Variants in KCNQ1 observed in about 807,000 individuals in gnomAD.
KCNQ1 encodes the protein potassium voltage-gated channel subfamily Q member 1.
Under a neutral mutation model 72.4 loss-of-function variants are expected in KCNQ1, and 49 were observed. That is an observed-to-expected ratio of 0.68 (90% CI 0.54 to 0.86). The LOEUF is 0.86. Among genes scored for constraint, KCNQ1 ranks in the 40% least tolerant of loss-of-function variants. The pLI is 0.00. For missense variants in KCNQ1, 790 were observed against 945.1 expected, an observed-to-expected ratio of 0.84 and a Z score of 2.15; for synonymous variants, 450 against 412.6, an observed-to-expected ratio of 1.09 and a Z score of -1.10.
chr11:2,717,266 A>G (rs1282794914), intron 11 of KCNQ1, among the ~76,000 whole-genome samples: 2 of 152,084 alleles, frequency 1.3e-5, no homozygotes, highest in African/African-American at 4.8e-5. Flanking sequence ...GCTGTTGGGG[A>G]GCAGGAATCA....
rs567360216 is a variant in KCNQ1 at position 2,563,271 on chromosome 11, C to G, written c.478-7357C>G. 2.5e-4 allele frequency among the ~76,000 whole-genome samples: 38 copies of G among 152,336 alleles called. No individual in the cohort carries two copies. Among genetic ancestry groups the G allele is most frequent in the African/African-American group, 8.2e-4 (34 of 41,570 alleles). On this transcript the variant is annotated intron_variant, in intron 2 of 15. Transcript: ENST00000155840. This position sits in a 1 kb window ranked among gnomAD's most constrained non-coding sequence, Gnocchi z 7.4. ...TGGCCAGGTCGACCTTCAGCCTTCT[C>G]GGAGAACACCGGTTCCACGGCCGGT...
At chr11:2,791,785 T>C (rs1481294857) in intron 15 of KCNQ1, among the ~76,000 whole-genome samples, 2 of 151,582 alleles carry the variant, frequency 1.3e-5, no homozygotes, top group South Asian at 4.2e-4. Flanking sequence ...GCCCAGGTCC[T>C]CGCCGCGCCG....
At chr11:2,780,268 G>A (rs546550954) in intron 15 of KCNQ1, among the ~76,000 whole-genome samples, 4 of 152,344 alleles carry the variant, frequency 2.6e-5, no homozygotes, top group African/African-American at 9.6e-5. Context: ...CCTAGGAAAG[G>A]GCCTGGCTGG....
intron 4 of KCNQ1, 79 bp downstream of exon 4, chr11:2,571,482 C>T (rs892237615): frequency 8.5e-7 from 1 of 1,180,222 alleles, no homozygotes; most frequent in Non-Finnish European, 1.2e-6. Flanking sequence ...GGTCTCACGC[C>T]CCATCCACCT....
At chr11:2,589,354 A>T (rs1172824007) in intron 10 of KCNQ1, among the ~76,000 whole-genome samples, 3 of 152,170 alleles carry the variant, frequency 2.0e-5, no homozygotes, top group Non-Finnish European at 2.9e-5. Flanking sequence ...TCTGTGCGTG[A>T]TGGTGTGGCT....
rs1415456142 is a variant in KCNQ1, at chr11:2,550,115, CAG to C, written c.478-20510_478-20509del. Among the ~76,000 whole-genome samples the C allele has an allele frequency of 6.6e-6, 1 of 152,184 alleles. No individual in the cohort carries two copies. Among genetic ancestry groups the C allele is most frequent in the African/African-American group, 2.4e-5 (1 of 41,452 alleles). On this transcript the variant is annotated intron_variant, in intron 2 of 15. Transcript: ENST00000155840. The surrounding 1 kb of genome is among the most constrained non-coding windows in gnomAD (Gnocchi z 6.0). ...TTGCGGAGCTCAGATGAGAGATGCTCAGAGTTGTCTGTAGAGAACCAGAGCTG... is the reference window on the plus strand; with the variant it reads ...TTGCGGAGCTCAGATGAGAGATGCTCAGTTGTCTGTAGAGAACCAGAGCTG...
intron 6 of KCNQ1, among the ~76,000 whole-genome samples, chr11:2,580,832 C>T (rs60642938): frequency 1.3e-4 from 20 of 152,332 alleles, no homozygotes; most frequent in Middle Eastern, 3.4e-3. Flanking sequence ...GATGTCCAGG[C>T]GGGGTGGGAC....
intron 10 of KCNQ1, chr11:2,615,442 C>A: frequency 2.5e-6 from 1 of 397,920 alleles, no homozygotes; most frequent in South Asian, 1.3e-4. Context: ...GTACATTGTT[C>A]AATAGCACTG....
At chr11:2,467,376 G>A (rs1174420336) in intron 1 of KCNQ1, among the ~76,000 whole-genome samples, 1 of 152,166 alleles carries the variant, frequency 6.6e-6, no homozygotes, top group African/African-American at 2.4e-5. Context: ...GGAGGAGGCT[G>A]CTCCCTCTTC....
Position 2,593,447 on chromosome 11 carries a change from C to G in KCNQ1, c.1393+4593C>G, listed in dbSNP as rs1425778658. ...GTCTGTGACGTAGGATCGGGCAGCA[C>G]GCACCTTTCCACCTGGCCTGGAGGT... On this transcript the variant is annotated intron_variant, in intron 10 of 15. Transcript: ENST00000155840. This position sits in a 1 kb window ranked among gnomAD's most constrained non-coding sequence, Gnocchi z 6.9. Among the ~76,000 whole-genome samples, 3 of 152,186 alleles carry G rather than the reference C, an allele frequency of 2.0e-5. No individual in the cohort carries two copies. Among genetic ancestry groups the G allele is most frequent in the Admixed American group, 2.0e-4 (3 of 15,286 alleles).
chr11:2,824,422 T>G lies in KCNQ1; in HGVS notation c.1795-23345T>G, dbSNP rs980823578. Among the ~76,000 whole-genome samples the G allele has an allele frequency of 2.0e-5, 3 of 152,110 alleles. No individual in the cohort carries two copies. The highest frequency in any genetic ancestry group is 2.9e-5 in the Non-Finnish European group (2 of 68,024). On this transcript the variant is annotated intron_variant, in intron 15 of 15. Transcript: ENST00000155840. This position sits in a 1 kb window ranked among gnomAD's most constrained non-coding sequence, Gnocchi z 5.9. ...ACCCCCAGGTTCTGGCTTGGCCATA[T>G]GTTGGAGGCTGAAACGATTCATCCA...
intron 2 of KCNQ1, among the ~76,000 whole-genome samples, chr11:2,557,305 T>G (rs532838199): frequency 8.2e-4 from 125 of 152,286 alleles, no homozygotes; most frequent in Middle Eastern, 3.4e-3. Context: ...CAAAAACTAT[T>G]GAAAATCTGC....
chr11:2,664,159 C>T lies in KCNQ1; in HGVS notation c.1514+2078C>T. ...AAGGCCTCTCTCAGAGCAGGCTGTTCCAAAAGTGGCTGCTAGATATGAGCC... is the reference window on the plus strand; with the variant it reads ...AAGGCCTCTCTCAGAGCAGGCTGTTTCAAAAGTGGCTGCTAGATATGAGCC... On this transcript the variant is annotated intron_variant, in intron 11 of 15. Coordinates refer to ENST00000155840, the MANE Select transcript of KCNQ1 (RefSeq NM_000218.3). The surrounding 1 kb of genome is among the most constrained non-coding windows in gnomAD (Gnocchi z 5.1). 2.5e-6 allele frequency: 1 copy of T among 398,688 alleles called. No individual in the cohort carries two copies. The highest frequency in any genetic ancestry group is 4.4e-6 in the Non-Finnish European group (1 of 226,166). 24.7% of individuals were successfully genotyped at this position (398,688 alleles called of 1,614,324 possible).
At chr11:2,688,062 G>A in intron 11 of KCNQ1, 1 of 398,828 alleles carries the variant, frequency 2.5e-6, no homozygotes, top group East Asian at 3.6e-5. Context: ...CAGCCATGGA[G>A]TTGGTGCTTC....
chr11:2,673,651 T>C lies in KCNQ1; in HGVS notation c.1514+11570T>C. ...TACTGCTGATGACCACCCTGACTCA[T>C]GTCCCTTGTCTGCATAGGTGTTTTC... is the stretch of plus-strand genomic sequence containing the variant. On this transcript the variant is annotated intron_variant, in intron 11 of 15. Coordinates refer to ENST00000155840, the MANE Select transcript of KCNQ1 (RefSeq NM_000218.3). This position sits in a 1 kb window ranked among gnomAD's most constrained non-coding sequence, Gnocchi z 4.5. The C allele has an allele frequency of 2.5e-6, 1 of 398,766 alleles. No individual in the cohort carries two copies. The highest frequency in any genetic ancestry group is 4.4e-6 in the Non-Finnish European group (1 of 226,160). The allele number at this position is 398,766 out of a possible 1,614,324, so 24.7% of individuals were successfully genotyped here. A position where few individuals can be genotyped will look rare whatever the true frequency, so the allele number is the denominator to read the frequency against.
At chr11:2,641,144 T>C (rs1405442027) in intron 10 of KCNQ1, 1 of 398,428 alleles carries the variant, frequency 2.5e-6, no homozygotes, top group African/African-American at 2.1e-5. Flanking sequence ...TGCAGGTACA[T>C]TTTTAGTATA....
At chr11:2,573,725 C>T (rs771362631) in intron 6 of KCNQ1, among the ~76,000 whole-genome samples, 10 of 152,142 alleles carry the variant, frequency 6.6e-5, no homozygotes, top group Non-Finnish European at 8.8e-5. Context: ...ACTGGAACAC[C>T]GAGCCACCCA....
chr11:2,718,990 C>T (rs1275691471), intron 11 of KCNQ1, among the ~76,000 whole-genome samples: 6 of 152,244 alleles, frequency 3.9e-5, no homozygotes, highest in African/African-American at 1.2e-4. Context: ...GAAGGCTTGG[C>T]GTCTGCCAGG....
chr11:2,474,334 GATGCC>G (rs1846538632), intron 1 of KCNQ1, among the ~76,000 whole-genome samples: 1 of 152,190 alleles, frequency 6.6e-6, no homozygotes, highest in Admixed American at 6.5e-5. Context: ...GCCTAGGGCA[GATGCC>G]AGGGCAGTGA....
Sources: gnomAD v4.1 joint callset for allele counts (sites outside exome capture counted in the v4.1 genomes callset) on GRCh38, gnomAD v4.1.1 for gene constraint, Gnocchi (gnomAD v3.1) non-coding constraint, MANE v1.5 for transcripts, NCBI Gene and HGNC (gene_info 2026-07-23, HGNC 2026-07-21) for gene names.